Variants in VWF observed in about 807,000 individuals in gnomAD.
VWF encodes Factor VIII related antigen.
A neutral mutation model predicts 308.6 loss-of-function variants in VWF; 176 were observed. The observed-to-expected ratio is 0.57, with a 90% CI of 0.50 to 0.65. VWF has a LOEUF of 0.65. Among genes scored for constraint, VWF ranks in the 30% least tolerant of loss-of-function variants. VWF has a pLI of 0.00. For synonymous variants in VWF, 1,385 were observed against 1,443.4 expected (o/e 0.96, Z 0.92); for missense variants, 3,146 against 3,648.2 (o/e 0.86, Z 3.55).
chr12:5,969,377 C>T lies in VWF; in HGVS notation c.7563G>A (p.Trp2521Ter), dbSNP rs2136356244. 1 of 1,614,166 alleles carries T rather than the reference C, an allele frequency of 6.2e-7. No individual in the cohort carries two copies. Among genetic ancestry groups the T allele is most frequent in the Non-Finnish European group, 8.5e-7 (1 of 1,180,034 alleles). The change falls in exon 45 of 52, where the codon TGG becomes TGA. Residue 2521 changes from tryptophan to a stop codon, truncating the protein, a stop_gained. Coordinates refer to ENST00000261405, the MANE Select transcript of VWF (RefSeq NM_000552.5). LOFTEE classifies it high-confidence loss of function. ...TGAGGCAGGGGTTCTCCGGGGAGGC[C>T]CACTGGGAGCCGACCTGCAGGGCAC... ...QSSWKSVGSQWASPENPCLIN... is the reference protein window; with the variant it reads ...QSSWKSVGSQ
rs550424211 is a variant in VWF, at chr12:6,020,606, G to A, written c.3675-863C>T. Reference sequence around the variant, plus strand: ...TTGCCAGTGTCCCGGAAAGTGGCACGGCCTGCCAGCCCACAGGTGAAATCA... The same window carrying A: ...TTGCCAGTGTCCCGGAAAGTGGCACAGCCTGCCAGCCCACAGGTGAAATCA... On this transcript the variant is annotated intron_variant, in intron 27 of 51. Coordinates refer to ENST00000261405, the MANE Select transcript of VWF (RefSeq NM_000552.5). The surrounding 1 kb of genome is among the most constrained non-coding windows in gnomAD (Gnocchi z 4.3). Among the ~76,000 whole-genome samples the A allele has an allele frequency of 3.3e-4, 51 of 152,324 alleles. No individual in the cohort carries two copies. Among genetic ancestry groups the A allele is most frequent in the South Asian group, 1.5e-3 (7 of 4,826 alleles).
chr12:6,069,952 T>C (rs1306968405), intron 10 of VWF, among the ~76,000 whole-genome samples: 1 of 152,218 alleles, frequency 6.6e-6, no homozygotes, highest in Non-Finnish European at 1.5e-5. Flanking sequence ...TAGTAAGTAC[T>C]TGTTAAAACT....
intron 38 of VWF, among the ~76,000 whole-genome samples, chr12:5,989,100 G>A (rs1288785118): frequency 6.6e-6 from 1 of 152,134 alleles, no homozygotes; most frequent in Non-Finnish European, 1.5e-5. Flanking sequence ...CTGGGCCATG[G>A]ACAAGGTTCC....
rs1267953338 is a variant in VWF at position 6,029,325 on chromosome 12, G to C, written c.2967+17C>G. Reference sequence around the variant, plus strand: ...AAGGCCAAGTCCCCAACAAGATGAAGCAAGAAAGCCACTGACCTGGTATGT... The same window carrying C: ...AAGGCCAAGTCCCCAACAAGATGAACCAAGAAAGCCACTGACCTGGTATGT... On this transcript the variant is annotated intron_variant, in intron 22 of 51. Coordinates refer to ENST00000261405, the MANE Select transcript of VWF (RefSeq NM_000552.5). 2.5e-6 allele frequency: 4 copies of C among 1,613,932 alleles called. 1 individual carries two copies. The highest frequency in any genetic ancestry group is 3.4e-6 in the Non-Finnish European group (4 of 1,180,020).
chr12:6,073,985 C>A (rs971853629), intron 7 of VWF, among the ~76,000 whole-genome samples: 1 of 152,158 alleles, frequency 6.6e-6, no homozygotes, highest in Non-Finnish European at 1.5e-5. Context: ...GGACCCCCAC[C>A]CTTCCCCTTG....
rs145485015 is a variant in VWF at position 6,079,334 on chromosome 12, C to T, written c.658-3783G>A. Among the ~76,000 whole-genome samples, 952 of 152,280 alleles carry T rather than the reference C, an allele frequency of 6.3e-3. 7 individuals are homozygous for T. Among genetic ancestry groups the T allele is most frequent in the South Asian group, 0.015 (72 of 4,826 alleles). On this transcript the variant is annotated intron_variant, in intron 6 of 51. Transcript: ENST00000261405. ...CAGAAACAGGTCCAAGGGCCAGGCG[C>T]GGTGGCTCACACCTGTAATCCCAGC... is the stretch of plus-strand genomic sequence containing the variant.
At chr12:5,973,301 T>C (rs1943497756) in intron 43 of VWF, among the ~76,000 whole-genome samples, 1 of 152,182 alleles carries the variant, frequency 6.6e-6, no homozygotes, top group Non-Finnish European at 1.5e-5. Flanking sequence ...CTGGCTCTCT[T>C]CTCCACCCTG....
rs1444535183 is a variant in VWF at position 6,057,906 on chromosome 12, C to A, written c.1672G>T (p.Asp558Tyr). 2 of 1,612,942 alleles carry A rather than the reference C, an allele frequency of 1.2e-6. No homozygotes were observed. Among genetic ancestry groups the A allele is most frequent in the Non-Finnish European group, 1.7e-6 (2 of 1,179,594 alleles). Residue 558 changes from aspartate (D) to tyrosine (Y), a missense_variant, in exon 14 of 52, where the codon GAC becomes TAC. Asp to Tyr is a radical substitution (Grantham distance 160). Coordinates refer to ENST00000261405, the MANE Select transcript of VWF (RefSeq NM_000552.5). Reference sequence around the variant, plus strand: ...TGCTGCTTCTGCAGGTCCTGGCAGTCCCCGTGCAGCTTCCAGGCGTTCCCG... The same window carrying A: ...TGCTGCTTCTGCAGGTCCTGGCAGTACCCGTGCAGCTTCCAGGCGTTCCCG... The part of the protein sequence containing the change: ...DFGNAWKLHG[D>Y]CQDLQKQHSD...
In VWF at chr12:6,065,242, G is replaced by C; in HGVS notation, c.1188C>G (p.Phe396Leu). The C allele has an allele frequency of 6.2e-7, 1 of 1,614,176 alleles. No individual in the cohort carries two copies. Among genetic ancestry groups the C allele is most frequent in the Non-Finnish European group, 8.5e-7 (1 of 1,180,028 alleles). The change falls in exon 11 of 52, where the codon TTC becomes TTG. Residue 396 changes from phenylalanine to leucine, a missense_variant. Coordinates refer to ENST00000261405, the MANE Select transcript of VWF (RefSeq NM_000552.5). ...GECLVTGQSHFKSFDNRYFTF... is the reference protein window; with the variant it reads ...GECLVTGQSHLKSFDNRYFTF... Reference sequence around the variant, plus strand: ...TGAAGTATCTGTTGTCAAAGCTCTTGAAGTGTGATTGACCTGTGACAAGGC... The same window carrying C: ...TGAAGTATCTGTTGTCAAAGCTCTTCAAGTGTGATTGACCTGTGACAAGGC...
At position 5,969,286 on chromosome 12, in the gene VWF, G is replaced by C; in HGVS notation, c.7654C>G (p.Leu2552Val). 1 of 1,614,210 alleles carries C rather than the reference G, an allele frequency of 6.2e-7. No individual in the cohort carries two copies. The highest frequency in any genetic ancestry group is 2.2e-5 in the East Asian group (1 of 44,864). The change falls in exon 45 of 52, where the codon CTG (leucine) becomes GTG (valine). Residue 2552 changes from leucine (L) to valine (V), a missense_variant. Around this residue, in one of 3 missense-constraint regions of VWF, gnomAD observed 989 missense variants for 1,117.4 expected, o/e 0.89. Transcript: ENST00000261405. ...IQQRNVSCPQ[L>V]EVPVCPSGFQ... ...CCCGAGGGGCAGACAGGGACCTCCAGCTGGGGGCAGGAGACGTTCCTTTGT... is the reference window on the plus strand; with the variant it reads ...CCCGAGGGGCAGACAGGGACCTCCACCTGGGGGCAGGAGACGTTCCTTTGT...
chr12:6,029,865 G>T (rs1944239228), intron 21 of VWF, among the ~76,000 whole-genome samples: 1 of 152,200 alleles, frequency 6.6e-6, no homozygotes, highest in Admixed American at 6.5e-5. Context: ...ATCTCTAGTT[G>T]ATTGTTTAAA....
chr12:6,009,462 C>CACACA (rs1943967961), intron 34 of VWF, among the ~76,000 whole-genome samples: 1 of 140,094 alleles, frequency 7.1e-6, no homozygotes, highest in South Asian at 2.3e-4. Context: ...CACACACACA[C>CACACA]ACCAGGAAAT....
intron 47 of VWF, among the ~76,000 whole-genome samples, chr12:5,961,359 C>T (rs1024747232): frequency 1.3e-5 from 2 of 152,104 alleles, no homozygotes; most frequent in African/African-American, 2.4e-5. Context: ...TTGGGCACTG[C>T]TGCTGTTGAA....
intron 6 of VWF, among the ~76,000 whole-genome samples, chr12:6,078,314 T>C (rs1349007046): frequency 6.6e-6 from 1 of 152,092 alleles, no homozygotes; most frequent in African/African-American, 2.4e-5. Flanking sequence ...ACAAAGTGAG[T>C]TTCTAGTAGC....
At chr12:5,988,770 C>G (rs889035641) in intron 38 of VWF, among the ~76,000 whole-genome samples, 6 of 152,204 alleles carry the variant, frequency 3.9e-5, no homozygotes, top group African/African-American at 1.4e-4. Context: ...CACTGCTGCA[C>G]AAGCCCAGGC....
intron 3 of VWF, among the ~76,000 whole-genome samples, chr12:6,115,803 T>C (rs1033384588): frequency 6.6e-6 from 1 of 152,066 alleles, no homozygotes; most frequent in African/African-American, 2.4e-5. Context: ...CAGCACCCAC[T>C]CCACAGTTGT....
At chr12:6,094,806 A>G (rs7976222) in intron 6 of VWF, among the ~76,000 whole-genome samples, 15,102 of 151,464 alleles carry the variant, frequency 0.1, 1,611 homozygotes, top group African/African-American at 0.27. Flanking sequence ...TCCACCTCCC[A>G]GGTTCAAGCA....
At chr12:5,964,230 A>ACATACATACATGCATACATG in intron 47 of VWF, among the ~76,000 whole-genome samples, 1 of 140,506 alleles carries the variant, frequency 7.1e-6, no homozygotes, top group African/African-American at 3.1e-5. Flanking sequence ...ATACATACAT[A>ACATACATACATGCATACATG]CATACATACA....
intron 5 of VWF, among the ~76,000 whole-genome samples, chr12:6,104,379 G>T (rs1386312617): frequency 1.3e-5 from 2 of 148,454 alleles, no homozygotes; most frequent in African/African-American, 5.0e-5. Flanking sequence ...ATTTTTCAAA[G>T]AACTTTAAAA....
Sources: gnomAD v4.1 joint callset for allele counts (sites outside exome capture counted in the v4.1 genomes callset) on GRCh38, gnomAD v4.1.1 for gene constraint, gnomAD v4.1.1 regional missense constraint, Gnocchi (gnomAD v3.1) non-coding constraint, MANE v1.5 for transcripts, NCBI Gene and HGNC (gene_info 2026-07-23, HGNC 2026-07-21) for gene names.